The following ARHGEF38 variants were observed in gnomAD, a reference collection of about 807,000 sequenced individuals.
ARHGEF38 encodes the protein Rho guanine nucleotide exchange factor 38, also known as Rho guanine nucleotide exchange factor (GEF) 38.
A neutral mutation model predicts 79.9 loss-of-function variants in ARHGEF38; 79 were observed. That is an observed-to-expected ratio of 0.99 (90% confidence interval 0.82 to 1.19). The LOEUF (loss-of-function observed/expected upper bound fraction) is 1.19. ARHGEF38 is among the 50% of genes most tolerant of loss of function. The pLI is 0.00. For synonymous variants in ARHGEF38, 366 were observed against 328.3 expected (o/e 1.11, Z -1.24); for missense variants, 962 against 907.2 (o/e 1.06, Z -0.78).
intron 3 of ARHGEF38, among the ~76,000 whole-genome samples, chr4:105,628,414 C>T (rs1226443203): frequency 6.6e-6 from 1 of 152,218 alleles, no homozygotes; most frequent in African/African-American, 2.4e-5. Flanking sequence ...CACTAGTTCC[C>T]ATTTGCTACC....
At chr4:105,622,122 A>G (rs539468135) in intron 3 of ARHGEF38, among the ~76,000 whole-genome samples, 2 of 152,216 alleles carry the variant, frequency 1.3e-5, no homozygotes, top group African/African-American at 4.8e-5. Flanking sequence ...ATAAAAATAA[A>G]ATAAAGGTGG....
chr4:105,677,099 G>C lies in ARHGEF38; in HGVS notation c.2149-653G>C, dbSNP rs1291062759. Reference sequence around the variant, plus strand: ...CTGCCTCAGCCTCCTGAGTAGCTGGGATTACAGGCACACGCCACCACGCCC... The same window carrying C: ...CTGCCTCAGCCTCCTGAGTAGCTGGCATTACAGGCACACGCCACCACGCCC... On this transcript the variant is annotated intron_variant, in intron 13 of 13. Transcript: ENST00000420470. Among the ~76,000 whole-genome samples, 3 of 152,112 alleles carry C rather than the reference G, an allele frequency of 2.0e-5. No homozygotes were observed. The East Asian group carries it at 5.8e-4, about 29-fold the overall frequency.
At chr4:105,670,844 C>T (rs1027007605) in intron 13 of ARHGEF38, among the ~76,000 whole-genome samples, 1 of 152,168 alleles carries the variant, frequency 6.6e-6, no homozygotes, top group African/African-American at 2.4e-5. Context: ...CACTCTAAAG[C>T]TGGCTTGATG....
intron 2 of ARHGEF38, among the ~76,000 whole-genome samples, chr4:105,605,155 C>CAAGGCAGAGAAGAGAAACA (rs1197983866): frequency 3.3e-5 from 5 of 152,230 alleles, no homozygotes; most frequent in African/African-American, 1.2e-4. Context: ...GTCCCTGTGT[C>CAAGGCAGAGAAGAGAAACA]AAGGCAGAGA....
At chr4:105,660,406 A>G (rs942414697) in intron 10 of ARHGEF38, among the ~76,000 whole-genome samples, 1 of 151,836 alleles carries the variant, frequency 6.6e-6, no homozygotes, top group African/African-American at 2.4e-5. Context: ...GAATGCATCT[A>G]TAATAGTACA....
At chr4:105,599,669 A>T (rs888348319) in intron 2 of ARHGEF38, among the ~76,000 whole-genome samples, 2 of 152,186 alleles carry the variant, frequency 1.3e-5, no homozygotes, top group Non-Finnish European at 2.9e-5. Flanking sequence ...GCATAGGTCA[A>T]AATAGCCATG....
intron 2 of ARHGEF38, among the ~76,000 whole-genome samples, chr4:105,602,028 T>C (rs764740499): frequency 1.3e-5 from 2 of 152,122 alleles, no homozygotes; most frequent in Non-Finnish European, 1.5e-5. Context: ...TAAATACTTA[T>C]GGATTGAAAA....
At chr4:105,561,400 T>TAGAATAGAATAGAATAGAATAG (rs59437354) in intron 1 of ARHGEF38, among the ~76,000 whole-genome samples, 3 of 30,160 alleles carry the variant, frequency 9.9e-5, no homozygotes, top group African/African-American at 2.5e-4. Context: ...TAGAGTAGAA[T>TAGAATAGAATAGAATAGAATAG]AATAGAATAG....
At chr4:105,645,106 G>A in intron 5 of ARHGEF38, 82 bp from the exon 6 acceptor site, 2 of 1,008,252 alleles carry the variant, frequency 2.0e-6, no homozygotes, top group Non-Finnish European at 2.6e-6. Flanking sequence ...TGTTTTAGAA[G>A]TAATCATAAA....
At chr4:105,619,950 G>A (rs905297918) in intron 3 of ARHGEF38, among the ~76,000 whole-genome samples, 2 of 152,188 alleles carry the variant, frequency 1.3e-5, no homozygotes, top group Admixed American at 1.3e-4. Context: ...ACAAATAAGA[G>A]TTTGTGATTC....
chr4:105,631,219 T>G lies in ARHGEF38; in HGVS notation c.656+174T>G, dbSNP rs183665500. 122 of 1,235,980 alleles carry G rather than the reference T, an allele frequency of 9.9e-5. 1 individual carries two copies. The East Asian group carries it at 3.1e-3, about 32-fold the overall frequency. The allele number at this position is 1,235,980 out of a possible 1,614,324, so 76.6% of individuals were successfully genotyped here. A position where few individuals can be genotyped will look rare whatever the true frequency, so the allele number is the denominator to read the frequency against. ...TGACATGCCAGAAGCCCTGATTGACTTTTTTTCCCCCTGCGAGAATGACTA... is the reference window on the plus strand; with the variant it reads ...TGACATGCCAGAAGCCCTGATTGACGTTTTTTCCCCCTGCGAGAATGACTA... On this transcript the variant is annotated intron_variant, in intron 4 of 13. Transcript: ENST00000420470.
intron 13 of ARHGEF38, among the ~76,000 whole-genome samples, chr4:105,672,660 C>G (rs886820226): frequency 1.3e-5 from 2 of 152,160 alleles, no homozygotes; most frequent in Non-Finnish European, 2.9e-5. Context: ...TTCTCAGGGG[C>G]TGTTGTCAGG....
At chr4:105,677,385 A>G (rs995765514) in intron 13 of ARHGEF38, among the ~76,000 whole-genome samples, 1 of 152,232 alleles carries the variant, frequency 6.6e-6, no homozygotes, top group Non-Finnish European at 1.5e-5. Flanking sequence ...TCTTATGGGT[A>G]ATCCAGTAAC....
At position 105,655,641 on chromosome 4, in the gene ARHGEF38, T is replaced by G. The variant is rs965877240; in HGVS notation, c.1152T>G (p.Leu384=). ...TGGCTCTGCAGAGTGTGATGGACCT[T>G]CAGGAGATTTCATACAACAAAGACG... ...MPLALQSVMD[L]QEISYNKDDE... The change falls in exon 9 of 14, where the codon CTT becomes CTG. Residue 384 remains leucine (L), a synonymous_variant. Transcript: ENST00000420470. 2 of 1,535,904 alleles carry G rather than the reference T, an allele frequency of 1.3e-6. No homozygotes were observed. The highest frequency in any genetic ancestry group is 2.7e-5 in the African/African-American group (2 of 73,028).
At position 105,632,101 on chromosome 4, in the gene ARHGEF38, C is replaced by A. The variant is rs1413972170; in HGVS notation, c.656+1056C>A. 2.0e-5 allele frequency among the ~76,000 whole-genome samples: 3 copies of A among 152,148 alleles called. No individual in the cohort carries two copies. The East Asian group carries it at 5.8e-4, about 29-fold the overall frequency. On this transcript the variant is annotated intron_variant, in intron 4 of 13. Coordinates refer to ENST00000420470, the MANE Select transcript of ARHGEF38 (RefSeq NM_001242729.2). ...GCTGCACTAAATTGAAATCATGATA[C>A]TACTCTGGAGGAGGCGTTTCCCGGC...
intron 2 of ARHGEF38, among the ~76,000 whole-genome samples, chr4:105,604,406 G>A (rs1727953978): frequency 6.6e-6 from 1 of 152,028 alleles, no homozygotes; most frequent in South Asian, 2.1e-4. Context: ...TCACACATCT[G>A]CCCACCACAT....
chr4:105,656,186 C>T (rs184149751), intron 9 of ARHGEF38, among the ~76,000 whole-genome samples: 1 of 152,190 alleles, frequency 6.6e-6, no homozygotes, highest in Admixed American at 6.5e-5. Flanking sequence ...TCTCGAGTAG[C>T]TGGAACTAAA....
intron 1 of ARHGEF38, among the ~76,000 whole-genome samples, chr4:105,568,029 G>A (rs910862510): frequency 7.6e-5 from 11 of 145,044 alleles, no homozygotes; most frequent in Non-Finnish European, 3.0e-5. Flanking sequence ...GAGAATATGC[G>A]GTGTTTGGTT....
At chr4:105,668,662 G>GTAGA (rs10608366) in intron 13 of ARHGEF38, among the ~76,000 whole-genome samples, 1,760 of 149,026 alleles carry the variant, frequency 0.012, 7 homozygotes, top group South Asian at 0.014. Flanking sequence ...ATGTATATGT[G>GTAGA]TAGATAGATA....
Sources: gnomAD v4.1 joint callset for allele counts (sites outside exome capture counted in the v4.1 genomes callset) on GRCh38, gnomAD v4.1.1 for gene constraint, MANE v1.5 for transcripts, NCBI Gene and HGNC (gene_info 2026-07-23, HGNC 2026-07-21) for gene names.